Variants in NDST3 observed in about 807,000 individuals in gnomAD.
The protein encoded by NDST3 is N-deacetylase and N-sulfotransferase 3, also known as bifunctional heparan sulfate N-deacetylase/N-sulfotransferase 3.
NDST3 carries 58 observed loss-of-function variants against 96.1 expected under a neutral mutation model. The observed-to-expected ratio is 0.60, with a 90% CI of 0.49 to 0.75. The LOEUF is 0.75. Among genes scored for constraint, NDST3 ranks in the 30% least tolerant of loss-of-function variants. The probability of loss-of-function intolerance (pLI) is 0.00; values close to 1 mark genes in which losing one functional copy is unlikely to be tolerated. For missense variants in NDST3, 788 were observed against 1,034.2 expected (o/e 0.76, Z 3.27); for synonymous variants, 333 against 359.7 (o/e 0.93, Z 0.84).
intron 6 of NDST3, among the ~76,000 whole-genome samples, chr4:118,222,468 AG>A: frequency 6.6e-6 from 1 of 152,014 alleles, no homozygotes; most frequent in East Asian, 1.9e-4. Context: ...TATGGCCTTC[AG>A]GGGCACAAAA....
chr4:118,052,023 C>A (rs749158595), intron 1 of NDST3, among the ~76,000 whole-genome samples: 1 of 152,048 alleles, frequency 6.6e-6, no homozygotes, highest in African/African-American at 2.4e-5. Flanking sequence ...ACCACAGATT[C>A]CATTACTGGG....
chr4:118,232,897 T>C lies in NDST3; in HGVS notation c.1820-115T>C, dbSNP rs1235454318. ...TATCTATTCAATTTATTTCCAGCAGTAGTTGTAATAAATCTGTTTGGATCA... is the reference window on the plus strand; with the variant it reads ...TATCTATTCAATTTATTTCCAGCAGCAGTTGTAATAAATCTGTTTGGATCA... On this transcript the variant is annotated intron_variant, in intron 8 of 13. Transcript: ENST00000296499. The C allele has an allele frequency of 2.0e-5, 20 of 1,022,178 alleles. No homozygotes were observed. The East Asian group carries it at 4.7e-4, about 24-fold the overall frequency. 63.3% of individuals were successfully genotyped at this position (1,022,178 alleles called of 1,614,324 possible).
chr4:118,056,366 G>T (rs1560611478), intron 2 of NDST3, among the ~76,000 whole-genome samples: 1 of 151,846 alleles, frequency 6.6e-6, no homozygotes, highest in Non-Finnish European at 1.5e-5. Context: ...GTTTTCAGGG[G>T]TATGAAAAAT....
At chr4:118,130,675 C>T (rs963686529) in intron 4 of NDST3, among the ~76,000 whole-genome samples, 9 of 152,270 alleles carry the variant, frequency 5.9e-5, no homozygotes, top group Non-Finnish European at 8.8e-5. Context: ...TTTTTACCTT[C>T]AGACAATTTC....
intron 10 of NDST3, among the ~76,000 whole-genome samples, chr4:118,238,950 G>A: frequency 6.6e-6 from 1 of 152,200 alleles, no homozygotes; most frequent in East Asian, 1.9e-4. Flanking sequence ...GCAAAGCAGA[G>A]CTGTGTAAAG....
chr4:118,170,708 G>A (rs958533878), intron 6 of NDST3, among the ~76,000 whole-genome samples: 2 of 152,034 alleles, frequency 1.3e-5, no homozygotes, highest in Non-Finnish European at 2.9e-5. Context: ...CAGCCTGGGC[G>A]ACAGAGTGAG....
intron 6 of NDST3, among the ~76,000 whole-genome samples, chr4:118,206,122 T>C (rs1056650487): frequency 7.0e-6 from 1 of 143,868 alleles, no homozygotes; most frequent in African/African-American, 2.6e-5. Context: ...TATGTGTCTC[T>C]TGCCACTACC....
chr4:118,128,283 T>C (rs1732294376), intron 4 of NDST3, among the ~76,000 whole-genome samples: 1 of 152,042 alleles, frequency 6.6e-6, no homozygotes, highest in Non-Finnish European at 1.5e-5. Context: ...GGAAAGCCTT[T>C]CAGTTTTTCC....
intron 6 of NDST3, among the ~76,000 whole-genome samples, chr4:118,201,881 A>G (rs952193500): frequency 6.6e-6 from 1 of 152,162 alleles, no homozygotes; most frequent in South Asian, 2.1e-4. Context: ...TGAGATAAGT[A>G]TTTCCTAGGT....
chr4:118,131,723 T>G (rs1165955612), intron 4 of NDST3, among the ~76,000 whole-genome samples: 1 of 152,112 alleles, frequency 6.6e-6, no homozygotes, highest in Admixed American at 6.6e-5. Context: ...CTGGGCTTGT[T>G]TGTGCTTGTC....
chr4:118,134,862 T>A (rs1161232261), intron 4 of NDST3, among the ~76,000 whole-genome samples: 1 of 152,226 alleles, frequency 6.6e-6, no homozygotes, highest in Non-Finnish European at 1.5e-5. Context: ...TTCCTAGATC[T>A]AAGATGCTAC....
chr4:118,238,121 AAGAGAG>A (rs377411135), intron 10 of NDST3, among the ~76,000 whole-genome samples: 15 of 91,408 alleles, frequency 1.6e-4, no homozygotes, highest in East Asian at 5.3e-4. Flanking sequence ...CTGTCAAAAG[AAGAGAG>A]AGAGAGAGAG....
In NDST3 at chr4:118,054,121, T is replaced by G; in HGVS notation, c.211T>G (p.Phe71Val). 1 of 1,612,952 alleles carries G rather than the reference T, an allele frequency of 6.2e-7. No homozygotes were observed. The highest frequency in any genetic ancestry group is 8.5e-7 in the Non-Finnish European group (1 of 1,179,332). ...QLMEVKAMKL[F>V]DASRTDPTVL... Reference sequence around the variant, plus strand: ...AATGGAAGTGAAAGCAATGAAGCTTTTTGATGCCTCAAGGACAGACCCCAC... The same window carrying G: ...AATGGAAGTGAAAGCAATGAAGCTTGTTGATGCCTCAAGGACAGACCCCAC... The change falls in exon 2 of 14, where the codon TTT (phenylalanine) becomes GTT (valine). Residue 71 changes from phenylalanine (F) to valine (V), a missense_variant. By Grantham distance (50) the Phe-to-Val change is conservative. Around this residue, in one of 3 missense-constraint regions of NDST3, gnomAD observed 234 missense variants for 256.9 expected, o/e 0.91. Transcript: ENST00000296499.
chr4:118,216,953 C>T (rs1252166726), intron 6 of NDST3, among the ~76,000 whole-genome samples: 1 of 152,024 alleles, frequency 6.6e-6, no homozygotes, highest in Non-Finnish European at 1.5e-5. Context: ...CCCATGCCAG[C>T]CCCCAAGGAA....
chr4:118,120,854 C>G (rs1470968623), intron 4 of NDST3, among the ~76,000 whole-genome samples: 2 of 152,160 alleles, frequency 1.3e-5, no homozygotes, highest in Non-Finnish European at 2.9e-5. Context: ...GTGGTGTTAT[C>G]AAAGCAGAAA....
At chr4:118,051,472 C>A (rs571389308) in intron 1 of NDST3, among the ~76,000 whole-genome samples, 1 of 151,638 alleles carries the variant, frequency 6.6e-6, no homozygotes, top group South Asian at 2.1e-4. Flanking sequence ...AAACAGACAA[C>A]CTACAGAATG....
chr4:118,103,147 G>A (rs1484789754), intron 2 of NDST3, among the ~76,000 whole-genome samples: 2 of 151,918 alleles, frequency 1.3e-5, no homozygotes, highest in African/African-American at 2.4e-5. Context: ...AGCAAAGTTC[G>A]AATTCCAATT....
chr4:118,241,818 T>C (rs1369672453), intron 11 of NDST3, among the ~76,000 whole-genome samples: 2 of 152,212 alleles, frequency 1.3e-5, no homozygotes, highest in Non-Finnish European at 2.9e-5. Context: ...TTTGTTTTCA[T>C]AGTGTGACTT....
At chr4:118,053,067 T>C (rs1198177464) in intron 1 of NDST3, among the ~76,000 whole-genome samples, 1 of 152,038 alleles carries the variant, frequency 6.6e-6, no homozygotes, top group Non-Finnish European at 1.5e-5. Flanking sequence ...TGGTTCCCAA[T>C]GGTCTCACAC....
Sources: allele counts gnomAD v4.1 joint callset (sites outside exome capture counted in the v4.1 genomes callset), GRCh38; gene constraint gnomAD v4.1.1; regional missense constraint gnomAD v4.1.1; transcripts MANE v1.5; gene names NCBI Gene and HGNC (gene_info 2026-07-23, HGNC 2026-07-21).